The following RBFOX1 variants were observed in gnomAD, a reference collection of about 807,000 sequenced individuals.
The protein encoded by RBFOX1 is RNA binding fox-1 homolog 1.
RBFOX1 carries 8 observed loss-of-function variants against 57.7 expected under a neutral mutation model. The ratio of observed to expected loss-of-function variants is 0.14; its 90% CI spans 0.08 to 0.25. The LOEUF is 0.25. Ranked by LOEUF, RBFOX1 falls within the 10% of genes least tolerant of loss-of-function variation. RBFOX1 has a pLI of 1.00. For missense variants in RBFOX1, 611 were observed against 548.5 expected, an observed-to-expected ratio of 1.11 and a Z score of -1.14; for synonymous variants, 326 against 222.4, an observed-to-expected ratio of 1.47 and a Z score of -4.15.
At chr16:7,155,711 AAAT>A (rs1169744112) in intron 4 of RBFOX1, among the ~76,000 whole-genome samples, 3 of 61,084 alleles carry the variant, frequency 4.9e-5, no homozygotes, top group African/African-American at 8.5e-5. Flanking sequence ...AAAAAAAAAA[AAAT>A]ATATATATAT....
intron 5 of RBFOX1, among the ~76,000 whole-genome samples, chr16:7,534,881 A>G (rs1229431040): frequency 1.3e-5 from 2 of 151,992 alleles, no homozygotes; most frequent in African/African-American, 4.8e-5. Context: ...AAGCCCTGCG[A>G]TTTTCCTTCT....
rs147046770 is a variant in RBFOX1 at position 6,202,681 on chromosome 16, T to C, written c.-126-114314T>C. Among the ~76,000 whole-genome samples the C allele has an allele frequency of 3.3e-4, 50 of 152,298 alleles. No homozygotes were observed. In the East Asian group the frequency reaches 4.4e-3, roughly 14 times the overall value. On this transcript the variant is annotated intron_variant, in intron 1 of 15. Transcript: ENST00000550418. ...TGATAAATTCGGAGGTAACTATACA[T>C]CCAGGAAACCATCACCATAATCAAT... is the stretch of plus-strand genomic sequence containing the variant.
intron 2 of RBFOX1, among the ~76,000 whole-genome samples, chr16:6,526,062 C>A (rs531710983): frequency 2.0e-5 from 3 of 152,318 alleles, no homozygotes; most frequent in South Asian, 2.1e-4. Flanking sequence ...TCATCACTTA[C>A]ATGACCAGGT....
chr16:7,172,817 C>G (rs2080960772), intron 4 of RBFOX1, among the ~76,000 whole-genome samples: 1 of 152,086 alleles, frequency 6.6e-6, no homozygotes, highest in South Asian at 2.1e-4. Context: ...AAACAGATGG[C>G]AGAGTGCCTT....
intron 2 of RBFOX1, chr16:6,483,824 G>C (rs2095415325): frequency 4.6e-6 from 6 of 1,312,552 alleles, no homozygotes; most frequent in African/African-American, 4.5e-5. Flanking sequence ...CTGCTGATTA[G>C]AATAGGGGAC....
intron 4 of RBFOX1, among the ~76,000 whole-genome samples, chr16:7,237,456 G>C (rs149632117): frequency 6.6e-6 from 1 of 152,332 alleles, no homozygotes; most frequent in African/African-American, 2.4e-5. Context: ...AGGCTGCACA[G>C]ATTGTAACTC....
At chr16:5,315,177 A>G (rs28730397) in intron 1 of RBFOX1, among the ~76,000 whole-genome samples, 86,938 of 152,044 alleles carry the variant, frequency 0.57, 27,323 homozygotes, top group South Asian at 0.75. Context: ...GTGGGCTGAT[A>G]GGGCAAATGG....
At chr16:6,085,557 C>G (rs773592812) in intron 1 of RBFOX1, among the ~76,000 whole-genome samples, 6 of 152,232 alleles carry the variant, frequency 3.9e-5, no homozygotes, top group Non-Finnish European at 7.3e-5. Context: ...GCGTGAGCCA[C>G]TGTGCCCGAC....
intron 3 of RBFOX1, among the ~76,000 whole-genome samples, chr16:6,989,784 G>T (rs1200097377): frequency 2.0e-5 from 3 of 152,158 alleles, no homozygotes; most frequent in African/African-American, 7.2e-5. Context: ...TGGATCACCT[G>T]AGGTCAGGAT....
chr16:7,595,497 T>G, intron 7 of RBFOX1, 52 bp from the exon 8 acceptor site: 2 of 1,396,530 alleles, frequency 1.4e-6, no homozygotes. Context: ...AAGTGGTCGT[T>G]GACTGAAATA....
rs150364826 is a variant in RBFOX1, at chr16:7,582,105, T to C, written c.414+2185T>C. On this transcript the variant is annotated intron_variant, in intron 6 of 15. Coordinates refer to ENST00000550418, the MANE Select transcript of RBFOX1 (RefSeq NM_018723.4). ...AGTGAAGTGGCATGATCTCGGCTCATTGCAACCTTTCTCCTGGGTTCAAGC... is the reference window on the plus strand; with the variant it reads ...AGTGAAGTGGCATGATCTCGGCTCACTGCAACCTTTCTCCTGGGTTCAAGC... Among the ~76,000 whole-genome samples the C allele has an allele frequency of 1.8e-3, 275 of 151,224 alleles. 2 individuals carry two copies. Among genetic ancestry groups the C allele is most frequent in the African/African-American group, 6.3e-3 (259 of 41,298 alleles).
At chr16:5,804,614 C>T (rs1425817161) in intron 3 of RBFOX1, among the ~76,000 whole-genome samples, 1 of 152,088 alleles carries the variant, frequency 6.6e-6, no homozygotes, top group Non-Finnish European at 1.5e-5. Context: ...CTGTGTGCTG[C>T]ATGACTGCTC....
chr16:7,262,780 G>T (rs528439838), intron 4 of RBFOX1, among the ~76,000 whole-genome samples: 1 of 152,276 alleles, frequency 6.6e-6, no homozygotes, highest in African/African-American at 2.4e-5. Flanking sequence ...AAAGGCAGTT[G>T]TAAGCTCAGG....
At chr16:5,580,441 T>G (rs1400836169) in intron 2 of RBFOX1, among the ~76,000 whole-genome samples, 1 of 152,108 alleles carries the variant, frequency 6.6e-6, no homozygotes, top group Non-Finnish European at 1.5e-5. Context: ...GTGGGAGAAG[T>G]GGTTGTACGG....
At chr16:6,892,667 C>G (rs968175251) in intron 3 of RBFOX1, among the ~76,000 whole-genome samples, 1 of 144,638 alleles carries the variant, frequency 6.9e-6, no homozygotes, top group South Asian at 2.2e-4. Context: ...AGGGCTGTCT[C>G]GAAACAAACA....
intron 3 of RBFOX1, among the ~76,000 whole-genome samples, chr16:5,617,048 G>A (rs1313072849): frequency 1.3e-5 from 2 of 151,910 alleles, no homozygotes; most frequent in Non-Finnish European, 2.9e-5. Context: ...TGCGGTTGCT[G>A]AGGGGTTGAA....
At chr16:7,456,263 A>G (rs925519591) in intron 4 of RBFOX1, among the ~76,000 whole-genome samples, 8 of 152,178 alleles carry the variant, frequency 5.3e-5, no homozygotes, top group African/African-American at 1.4e-4. Context: ...CCTATCCTAG[A>G]GGGACCCCCC....
chr16:7,357,472 C>T (rs962265991), intron 4 of RBFOX1, among the ~76,000 whole-genome samples: 2 of 152,124 alleles, frequency 1.3e-5, no homozygotes, highest in Middle Eastern at 3.2e-3. Context: ...TCTTTGGCCT[C>T]ACCTTTTTGC....
intron 14 of RBFOX1, among the ~76,000 whole-genome samples, chr16:7,687,216 G>T (rs936340473): frequency 1.3e-5 from 2 of 151,914 alleles, no homozygotes; most frequent in Admixed American, 6.6e-5. Context: ...GAATAAAAGT[G>T]ACAGGGCAGG....
Sources: allele counts gnomAD v4.1 joint callset (sites outside exome capture counted in the v4.1 genomes callset), GRCh38; gene constraint gnomAD v4.1.1; transcripts MANE v1.5; gene names NCBI Gene and HGNC (gene_info 2026-07-23, HGNC 2026-07-21).